GLIS3: variants seen among roughly 807,000 people sequenced by gnomAD.
GLIS3 encodes the protein zinc finger protein GLIS3.
In GLIS3, 53 loss-of-function variants were observed where a neutral mutation model predicts 78.6. The observed-to-expected ratio is 0.67, with a 90% CI of 0.54 to 0.85. The LOEUF is 0.85. GLIS3 is among the 40% of genes least tolerant of loss of function. The pLI is 0.00. For synonymous variants in GLIS3, 684 were observed against 509.9 expected, an observed-to-expected ratio of 1.34 and a Z score of -4.60; for missense variants, 1,703 against 1,231.1, an observed-to-expected ratio of 1.38 and a Z score of -5.74.
At chr9:4,044,145 T>C (rs748509202) in intron 4 of GLIS3, among the ~76,000 whole-genome samples, 1 of 152,140 alleles carries the variant, frequency 6.6e-6, no homozygotes, top group Non-Finnish European at 1.5e-5. Context: ...AGAAAGGACA[T>C]GGGGAGGGAG....
intron 4 of GLIS3, among the ~76,000 whole-genome samples, chr9:4,107,084 A>G (rs958996984): frequency 1.3e-5 from 2 of 152,184 alleles, no homozygotes; most frequent in African/African-American, 4.8e-5. Context: ...CCAGCACTGG[A>G]AAGAAAAAAA....
the GLIS3 span, among the ~76,000 whole-genome samples, chr9:4,437,458 ATCTATC>A: frequency 1.3e-5 from 2 of 151,630 alleles, no homozygotes; most frequent in African/African-American, 2.4e-5. Flanking sequence ...CTATCTATCT[ATCTATC>A]TATCTATATA....
chr9:4,483,691 G>T, the GLIS3 span, among the ~76,000 whole-genome samples: 12 of 148,206 alleles, frequency 8.1e-5, no homozygotes, highest in African/African-American at 2.5e-4. Flanking sequence ...CTGCGCTTCA[G>T]CCTGGGCAAC....
chr9:4,210,078 C>T (rs781686508), intron 2 of GLIS3, among the ~76,000 whole-genome samples: 2 of 152,188 alleles, frequency 1.3e-5, no homozygotes, highest in Admixed American at 6.5e-5. Context: ...ATGCCTGGCA[C>T]ATAGTGGGCA....
At chr9:4,348,849 A>G (rs1817927163), upstream of GLIS3, among the ~76,000 whole-genome samples, 1 of 152,222 alleles carries the variant, frequency 6.6e-6, no homozygotes, top group South Asian at 2.1e-4. Context: ...CATAGAAAAT[A>G]CGGAAATTAT....
At chr9:4,389,762 G>A in the GLIS3 span, among the ~76,000 whole-genome samples, 1 of 152,186 alleles carries the variant, frequency 6.6e-6, no homozygotes, top group Admixed American at 6.5e-5. Flanking sequence ...CAAGTGCAGT[G>A]AATAAGCAGA....
chr9:4,109,354 T>A (rs1443272654), intron 4 of GLIS3, among the ~76,000 whole-genome samples: 1 of 152,226 alleles, frequency 6.6e-6, no homozygotes, highest in Non-Finnish European at 1.5e-5. Flanking sequence ...TCATTCTACA[T>A]AACTGATCAA....
chr9:4,063,276 T>C (rs1006563389), intron 4 of GLIS3, among the ~76,000 whole-genome samples: 1 of 152,188 alleles, frequency 6.6e-6, no homozygotes, highest in Non-Finnish European at 1.5e-5. Flanking sequence ...ATAAAACATG[T>C]AATATGATGG....
intron 2 of GLIS3, among the ~76,000 whole-genome samples, chr9:4,226,221 G>C (rs564336662): frequency 5.9e-5 from 9 of 152,202 alleles, no homozygotes; most frequent in African/African-American, 2.2e-4. Context: ...TTGACAATAA[G>C]AAGGAACAGA....
intron 4 of GLIS3, among the ~76,000 whole-genome samples, chr9:3,965,109 A>G (rs1192784291): frequency 2.0e-5 from 3 of 151,452 alleles, no homozygotes; most frequent in Non-Finnish European, 4.4e-5. Flanking sequence ...TAAGGTTTCT[A>G]TGGTGCTTAA....
chr9:4,002,087 T>A (rs1273596944), intron 4 of GLIS3, among the ~76,000 whole-genome samples: 1 of 152,192 alleles, frequency 6.6e-6, no homozygotes, highest in East Asian at 1.9e-4. Flanking sequence ...ATTATCATTA[T>A]CCCAGATTAT....
At position 3,881,203 on chromosome 9, in the gene GLIS3, G is replaced by GTGTT. The variant is rs1420009096; in HGVS notation, c.2129-1612_2129-1609dup. On this transcript the variant is annotated intron_variant, in intron 7 of 10. Transcript: ENST00000381971. ...CTGGTGTTTGTCAGCATGGAGCTTG[G>GTGTT]TGTTTTATATACTATTCCAAAATCT... Among the ~76,000 whole-genome samples the GTGTT allele has an allele frequency of 2.0e-5, 3 of 152,198 alleles. No homozygotes were observed. The East Asian group carries it at 5.8e-4, about 29-fold the overall frequency.
the GLIS3 span, among the ~76,000 whole-genome samples, chr9:4,443,947 T>C: frequency 2.0e-5 from 3 of 152,212 alleles, no homozygotes; most frequent in African/African-American, 4.8e-5. Context: ...TGGCCTGGTG[T>C]AGACAGGTTA....
intron 2 of GLIS3, among the ~76,000 whole-genome samples, chr9:4,345,204 C>T (rs964541597): frequency 6.6e-6 from 1 of 152,184 alleles, no homozygotes; most frequent in South Asian, 2.1e-4. Context: ...TCTGTGACCT[C>T]GTTTCCTACC....
At chr9:4,026,802 A>G (rs938270920) in intron 4 of GLIS3, among the ~76,000 whole-genome samples, 1 of 152,216 alleles carries the variant, frequency 6.6e-6, no homozygotes, top group African/African-American at 2.4e-5. Flanking sequence ...AAGTGATAAA[A>G]TTAACTTCTA....
intron 2 of GLIS3, among the ~76,000 whole-genome samples, chr9:4,169,316 C>G (rs2131121060): frequency 6.6e-6 from 1 of 152,254 alleles, no homozygotes; most frequent in African/African-American, 2.4e-5. Flanking sequence ...AGTTACTAAC[C>G]AGTTTGAACA....
At chr9:4,132,473 C>T (rs1404983946) in intron 2 of GLIS3, among the ~76,000 whole-genome samples, 1 of 152,156 alleles carries the variant, frequency 6.6e-6, no homozygotes, top group Non-Finnish European at 1.5e-5. Flanking sequence ...TGTGTATCCA[C>T]TGGTTTTAAA....
At position 3,876,896 on chromosome 9, in the gene GLIS3, A is replaced by G. The variant is rs540284940; in HGVS notation, c.2297+2531T>C. 4.6e-5 allele frequency among the ~76,000 whole-genome samples: 7 copies of G among 151,966 alleles called. No individual in the cohort carries two copies. In the South Asian group the frequency reaches 1.5e-3, roughly 32 times the overall value. ...GCAGGAGCAGCTAAGGAACTTGCCC[A>G]CAGCCAAACAGTTAGCAACCGTCAG... On this transcript the variant is annotated intron_variant, in intron 8 of 10. Transcript: ENST00000381971.
chr9:4,002,063 T>A (rs1174693424), intron 4 of GLIS3, among the ~76,000 whole-genome samples: 1 of 152,190 alleles, frequency 6.6e-6, no homozygotes, highest in African/African-American at 2.4e-5. Flanking sequence ...ATTAAGGATT[T>A]CTGATATGGA....
Sources: gnomAD v4.1 joint callset for allele counts (sites outside exome capture counted in the v4.1 genomes callset) on GRCh38, gnomAD v4.1.1 for gene constraint, MANE v1.5 for transcripts, NCBI Gene and HGNC (gene_info 2026-07-23, HGNC 2026-07-21) for gene names.